Variants in ATP10B observed in about 807,000 individuals in gnomAD.
ATP10B encodes the protein phospholipid-transporting ATPase VB.
In ATP10B, 122 loss-of-function variants were observed where a neutral mutation model predicts 141.2. The ratio of observed to expected loss-of-function variants is 0.86; its 90% CI spans 0.75 to 1.00. The LOEUF (loss-of-function observed/expected upper bound fraction) is 1.00. ATP10B is among the 50% of genes least tolerant of loss of function. The pLI is 0.00. For synonymous variants in ATP10B, 685 were observed against 692.0 expected (o/e 0.99, Z 0.16); for missense variants, 1,876 against 1,825.3 (o/e 1.03, Z -0.51).
chr5:160,592,763 T>A (rs914803546), intron 22 of ATP10B, among the ~76,000 whole-genome samples: 18 of 152,226 alleles, frequency 1.2e-4, no homozygotes, highest in African/African-American at 4.3e-4. Context: ...GGAGATTATA[T>A]CCTGCACATG....
chr5:160,827,976 T>C (rs1339419463), intron 1 of ATP10B, among the ~76,000 whole-genome samples: 1 of 152,176 alleles, frequency 6.6e-6, no homozygotes, highest in Non-Finnish European at 1.5e-5. Context: ...AGAACCATGC[T>C]GTTTTGGTTA....
intron 24 of ATP10B, among the ~76,000 whole-genome samples, chr5:160,580,430 TG>T (rs1755467907): frequency 6.6e-6 from 1 of 151,132 alleles, no homozygotes; most frequent in African/African-American, 2.4e-5. Flanking sequence ...GTGTGGTGTT[TG>T]TCATTGGTTC....
rs776431786 is a variant in ATP10B, at chr5:160,771,440, T to G, written c.-331+14119A>C. ...ATTATAGAATAATGAGAATAATCTT[T>G]AAAGAATTACTTCATGAGCTGCTAA... On this transcript the variant is annotated intron_variant, in intron 2 of 25. Coordinates refer to ENST00000327245, the MANE Select transcript of ATP10B (RefSeq NM_025153.3). Among the ~76,000 whole-genome samples, 20 of 152,310 alleles carry G rather than the reference T, an allele frequency of 1.3e-4. 1 individual carries two copies. The highest frequency in any genetic ancestry group is 5.9e-4 in the Admixed American group (9 of 15,296).
At chr5:160,774,869 TCA>T (rs1233899514) in intron 2 of ATP10B, among the ~76,000 whole-genome samples, 2 of 152,128 alleles carry the variant, frequency 1.3e-5, no homozygotes, top group Admixed American at 1.3e-4. Context: ...GTTAACAATC[TCA>T]CAGTGTCTTA....
the ATP10B span, among the ~76,000 whole-genome samples, chr5:160,927,686 TAG>T: frequency 6.6e-6 from 1 of 152,174 alleles, no homozygotes; most frequent in African/African-American, 2.4e-5. Context: ...CTGCTATTAT[TAG>T]AGACTCTGCC....
intron 2 of ATP10B, among the ~76,000 whole-genome samples, chr5:160,733,971 G>A (rs1236742423): frequency 2.6e-5 from 4 of 151,434 alleles, no homozygotes; most frequent in African/African-American, 9.7e-5. Flanking sequence ...GGGCACCACC[G>A]GTGGTGCATG....
chr5:160,726,939 G>A (rs912538120), intron 2 of ATP10B, among the ~76,000 whole-genome samples: 3 of 151,924 alleles, frequency 2.0e-5, no homozygotes, highest in African/African-American at 4.8e-5. Context: ...GGAAGCCCCC[G>A]GGGGTGGGGT....
chr5:160,764,775 T>C (rs928701125), intron 2 of ATP10B, among the ~76,000 whole-genome samples: 11 of 152,108 alleles, frequency 7.2e-5, no homozygotes, highest in African/African-American at 2.7e-4. Flanking sequence ...AGTCAAGCTG[T>C]TGCTGTTTGC....
At chr5:160,755,878 T>TATATATA (rs1768561317) in intron 2 of ATP10B, among the ~76,000 whole-genome samples, 2 of 124,096 alleles carry the variant, frequency 1.6e-5, no homozygotes, top group South Asian at 2.5e-4. Flanking sequence ...TATATATATA[T>TATATATA]TATAATTTTA....
At chr5:160,921,247 A>G in the ATP10B span, among the ~76,000 whole-genome samples, 1 of 151,712 alleles carries the variant, frequency 6.6e-6, no homozygotes, top group South Asian at 2.1e-4. Flanking sequence ...AAAAAGCCAC[A>G]AATAGCAGCT....
chr5:160,846,791 A>C (rs746176362), intron 1 of ATP10B, among the ~76,000 whole-genome samples: 14 of 152,190 alleles, frequency 9.2e-5, no homozygotes, highest in Admixed American at 3.9e-4. Flanking sequence ...CTGCAGCCAG[A>C]CTTTTTGGGT....
chr5:160,654,331 A>C (rs1198527984), intron 7 of ATP10B, among the ~76,000 whole-genome samples: 6 of 152,148 alleles, frequency 3.9e-5, no homozygotes, highest in Non-Finnish European at 5.9e-5. Context: ...ATGTCCTCTC[A>C]CTACCCTGTA....
intron 13 of ATP10B, 46 bp from the exon 14 acceptor site, chr5:160,622,631 C>G (rs991405102): frequency 1.3e-6 from 2 of 1,541,994 alleles, no homozygotes; most frequent in African/African-American, 2.7e-5. Flanking sequence ...GGAAGGAAGC[C>G]CACTCCAGAA....
rs575952358 is a variant in ATP10B, at chr5:160,716,823, C to A, written c.-205+86G>T. The A allele has an allele frequency of 6.9e-5, 61 of 888,174 alleles. 1 individual carries two copies. The African/African-American group carries it at 1.0e-3, about 15-fold the overall frequency. 55.0% of individuals were successfully genotyped at this position (888,174 alleles called of 1,614,324 possible). ...TCCATCATCAAGGTGGTGTCATGAA[C>A]CAAAGGACTATTGGAGCTACATCCA... is the stretch of plus-strand genomic sequence containing the variant. On this transcript the variant is annotated intron_variant, in intron 3 of 25. Coordinates refer to ENST00000327245, the MANE Select transcript of ATP10B (RefSeq NM_025153.3).
At chr5:160,628,554 C>A (rs1230971006) in intron 13 of ATP10B, among the ~76,000 whole-genome samples, 2 of 152,146 alleles carry the variant, frequency 1.3e-5, no homozygotes, top group African/African-American at 4.8e-5. Context: ...TCCAATGACA[C>A]CTCCTTCGCT....
chr5:160,787,670 G>A (rs1771271886), intron 1 of ATP10B, among the ~76,000 whole-genome samples: 1 of 152,132 alleles, frequency 6.6e-6, no homozygotes, highest in South Asian at 2.1e-4. Context: ...GTCCTGCGTG[G>A]GGGGCAGGAA....
At chr5:160,717,698 A>T (rs937182551) in intron 2 of ATP10B, among the ~76,000 whole-genome samples, 6 of 152,236 alleles carry the variant, frequency 3.9e-5, no homozygotes, top group Non-Finnish European at 8.8e-5. Context: ...ACTAGGGCTC[A>T]GTAAAGTTAA....
intron 2 of ATP10B, among the ~76,000 whole-genome samples, chr5:160,779,014 T>G (rs952693252): frequency 6.6e-6 from 1 of 152,164 alleles, no homozygotes; most frequent in Non-Finnish European, 1.5e-5. Context: ...CTGTGCAGCA[T>G]TGAAGCAAAG....
At chr5:160,793,538 T>C (rs889607428) in intron 1 of ATP10B, among the ~76,000 whole-genome samples, 3 of 152,242 alleles carry the variant, frequency 2.0e-5, no homozygotes, top group African/African-American at 7.2e-5. Flanking sequence ...GTGTATGCGA[T>C]GGTAGTCCTG....
Sources: gnomAD v4.1 joint callset for allele counts (sites outside exome capture counted in the v4.1 genomes callset) on GRCh38, gnomAD v4.1.1 for gene constraint, MANE v1.5 for transcripts, NCBI Gene and HGNC (gene_info 2026-07-23, HGNC 2026-07-21) for gene names.